Variants in ARSB observed in about 807,000 individuals in gnomAD.
The protein encoded by ARSB is N-acetylgalactosamine-4-sulfatase.
Under a neutral mutation model 50.9 loss-of-function variants are expected in ARSB, and 41 were observed. The observed-to-expected ratio is 0.81, with a 90% CI of 0.63 to 1.04. ARSB has a LOEUF of 1.04. Ranked by LOEUF, ARSB falls within the 50% of genes least tolerant of loss-of-function variation. The probability of loss-of-function intolerance (pLI) is 0.00; values close to 1 mark genes in which losing one functional copy is unlikely to be tolerated. For missense variants in ARSB, 672 were observed against 693.3 expected (o/e 0.97, Z 0.35); for synonymous variants, 269 against 284.8 (o/e 0.94, Z 0.56).
intron 1 of ARSB, among the ~76,000 whole-genome samples, chr5:78,973,694 C>T (rs529160833): frequency 3.3e-5 from 5 of 152,204 alleles, no homozygotes; most frequent in African/African-American, 1.2e-4. Context: ...TATGGGAGTT[C>T]AGAGCACAAT....
At chr5:78,969,287 T>G in intron 1 of ARSB, 95 bp from the exon 2 acceptor site, 2 of 1,315,612 alleles carry the variant, frequency 1.5e-6, no homozygotes, top group Non-Finnish European at 2.2e-6. Flanking sequence ...TCATATCTGT[T>G]GACTTGGATG....
At chr5:78,880,515 T>C (rs1339013978) in intron 5 of ARSB, among the ~76,000 whole-genome samples, 1 of 152,220 alleles carries the variant, frequency 6.6e-6, no homozygotes, top group African/African-American at 2.4e-5. Context: ...AATGATTGGA[T>C]ATCAAGCATG....
Position 78,779,325 on chromosome 5 carries a change from C to A in ARSB, c.*1072G>T, listed in dbSNP as rs1322001320. 1.3e-5 allele frequency: 2 copies of A among 152,166 alleles called. No individual in the cohort carries two copies. The highest frequency in any genetic ancestry group is 2.4e-5 in the African/African-American group (1 of 41,426). 9.4% of individuals were successfully genotyped at this position (152,166 alleles called of 1,614,324 possible). ...TGTGCCCTCCTCTGCTTTACCAAGG[C>A]CCAGTATCCCAGACACTGGCCACTT... On this transcript the variant is annotated 3_prime_UTR_variant, in exon 8 of 8. Transcript: ENST00000264914.
At chr5:78,803,708 C>A (rs1336734521) in intron 6 of ARSB, among the ~76,000 whole-genome samples, 4 of 152,256 alleles carry the variant, frequency 2.6e-5, no homozygotes, top group African/African-American at 9.6e-5. Context: ...CAGCCCAGAG[C>A]CCTTGCAGAG....
chr5:78,847,164 G>C (rs2112021462), intron 5 of ARSB, among the ~76,000 whole-genome samples: 1 of 152,208 alleles, frequency 6.6e-6, no homozygotes, highest in Admixed American at 6.6e-5. Flanking sequence ...GTCTCATTTT[G>C]TTGCCCAGAC....
chr5:78,985,916 C>T (rs1561199053), upstream of ARSB: 2 of 152,264 alleles, frequency 1.3e-5, no homozygotes, highest in African/African-American at 4.8e-5. Flanking sequence ...TTGCACGGTG[C>T]CCTTTGGAAG....
chr5:78,808,114 A>C (rs1020653836), intron 6 of ARSB, among the ~76,000 whole-genome samples: 15 of 146,414 alleles, frequency 1.0e-4, no homozygotes, highest in South Asian at 6.4e-4. Flanking sequence ...AAAAAAAAAA[A>C]AAAACACCTT....
At chr5:78,882,351 C>T (rs930598214) in intron 5 of ARSB, among the ~76,000 whole-genome samples, 1 of 152,108 alleles carries the variant, frequency 6.6e-6, no homozygotes, top group African/African-American at 2.4e-5. Context: ...AGGAGGAGGT[C>T]AGAGAAAAAC....
chr5:78,812,848 G>A (rs1042019132), intron 6 of ARSB, among the ~76,000 whole-genome samples: 5 of 152,104 alleles, frequency 3.3e-5, no homozygotes, highest in Admixed American at 3.3e-4. Context: ...AAAATTAACC[G>A]GGCATGGTGG....
chr5:78,850,580 A>C (rs1469621302), intron 5 of ARSB, among the ~76,000 whole-genome samples: 3 of 152,092 alleles, frequency 2.0e-5, no homozygotes, highest in Admixed American at 2.0e-4. Flanking sequence ...TCATAAAATG[A>C]GTTAGGGAGG....
intron 5 of ARSB, among the ~76,000 whole-genome samples, chr5:78,848,625 G>C (rs553140872): frequency 2.0e-5 from 3 of 151,910 alleles, no homozygotes; most frequent in African/African-American, 7.3e-5. Flanking sequence ...TCTAGTTCTA[G>C]ATCCCTGAGG....
intron 6 of ARSB, among the ~76,000 whole-genome samples, chr5:78,785,015 G>C (rs1188196340): frequency 6.6e-6 from 1 of 152,000 alleles, no homozygotes; most frequent in Non-Finnish European, 1.5e-5. Context: ...GGCCAGGCTG[G>C]TCTGGAACTC....
intron 3 of ARSB, among the ~76,000 whole-genome samples, chr5:78,961,448 CTCA>C (rs1327131607): frequency 2.6e-5 from 4 of 152,194 alleles, no homozygotes; most frequent in Non-Finnish European, 5.9e-5. Flanking sequence ...TGACCATCCT[CTCA>C]TCTGGCAATT....
intron 6 of ARSB, among the ~76,000 whole-genome samples, chr5:78,785,225 A>C (rs1299626171): frequency 6.6e-6 from 1 of 150,412 alleles, no homozygotes; most frequent in African/African-American, 2.5e-5. Flanking sequence ...CTTTGGGCTT[A>C]ATTTGTTATT....
At chr5:78,892,248 C>CTTTTTTTTTTT (rs34960858) in intron 4 of ARSB, among the ~76,000 whole-genome samples, 29 of 87,238 alleles carry the variant, frequency 3.3e-4, no homozygotes, top group East Asian at 7.2e-4. Context: ...ATTCTCTATT[C>CTTTTTTTTTTT]TTTTTTTTTT....
intron 4 of ARSB, among the ~76,000 whole-genome samples, chr5:78,904,073 T>C (rs1748922616): frequency 6.6e-6 from 1 of 152,166 alleles, no homozygotes; most frequent in South Asian, 2.1e-4. Context: ...TTTTCCAGAA[T>C]GTCATATAAA....
chr5:78,871,922 C>CAA (rs1747206568), intron 5 of ARSB, among the ~76,000 whole-genome samples: 1 of 150,126 alleles, frequency 6.7e-6, no homozygotes, highest in South Asian at 2.1e-4. Flanking sequence ...ACTCATCTGA[C>CAA]AAAGGGCTAA....
chr5:78,969,598 T>C (rs1272750079), intron 1 of ARSB, among the ~76,000 whole-genome samples: 1 of 152,166 alleles, frequency 6.6e-6, no homozygotes, highest in African/African-American at 2.4e-5. Flanking sequence ...AACTTGGTGA[T>C]TTTTTTACAA....
At chr5:78,866,233 G>T (rs1015025303) in intron 5 of ARSB, among the ~76,000 whole-genome samples, 5 of 152,214 alleles carry the variant, frequency 3.3e-5, no homozygotes, top group African/African-American at 1.2e-4. Context: ...TCACAGTCAT[G>T]GTGGAAGGCA....
Sources: allele counts gnomAD v4.1 joint callset (sites outside exome capture counted in the v4.1 genomes callset), GRCh38; gene constraint gnomAD v4.1.1; transcripts MANE v1.5; gene names NCBI Gene and HGNC (gene_info 2026-07-23, HGNC 2026-07-21).